Variants in CDYL2 observed in about 807,000 individuals in gnomAD.
CDYL2 encodes the protein chromodomain Y like 2.
CDYL2 carries 23 observed loss-of-function variants against 49.4 expected under a neutral mutation model. The observed-to-expected ratio is 0.47, with a 90% confidence interval of 0.34 to 0.66. The LOEUF (loss-of-function observed/expected upper bound fraction) is 0.66, where lower values mean the gene tolerates loss of function less well. CDYL2 is among the 30% of genes least tolerant of loss of function. The pLI is 0.01. For missense variants in CDYL2, 678 were observed against 656.4 expected (o/e 1.03, Z -0.36); for synonymous variants, 360 against 268.8 (o/e 1.34, Z -3.32).
Position 80,604,363 on chromosome 16 carries a change from T to G in CDYL2, c.*25A>C, listed in dbSNP as rs1431661053. 2 of 1,613,486 alleles carry G rather than the reference T, an allele frequency of 1.2e-6. No homozygotes were observed. Among genetic ancestry groups the G allele is most frequent in the East Asian group, 2.2e-5 (1 of 44,874 alleles). ...CCGAAACACAGGGCAGAGCTGGAAG[T>G]TGGGGGCCCGTGAGCTGGGGCCCCT... is the stretch of plus-strand genomic sequence containing the variant. On this transcript the variant is annotated 3_prime_UTR_variant, in exon 7 of 7. Transcript: ENST00000570137.
intron 3 of CDYL2, chr16:80,627,653 C>T (rs1907362677): frequency 1.3e-5 from 2 of 152,152 alleles, no homozygotes; most frequent in Non-Finnish European, 2.9e-5. Flanking sequence ...TAAAATGTTC[C>T]GAAATTAGTC....
intron 4 of CDYL2, among the ~76,000 whole-genome samples, chr16:80,619,749 G>A (rs1267939387): frequency 2.0e-5 from 3 of 152,210 alleles, no homozygotes; most frequent in Admixed American, 6.5e-5. Flanking sequence ...TCTGCAACAG[G>A]AAACACACGG....
rs1281183833 is a variant in CDYL2, at chr16:80,604,224, C to T, written c.*164G>A. ...TATGCTGCGTTTTCCATCCATTACA[C>T]AAAATCAAACCAAGGAGGAGCAACC... is the stretch of plus-strand genomic sequence containing the variant. On this transcript the variant is annotated 3_prime_UTR_variant, in exon 7 of 7. Coordinates refer to ENST00000570137, the MANE Select transcript of CDYL2 (RefSeq NM_152342.4). 5 of 760,974 alleles carry T rather than the reference C, an allele frequency of 6.6e-6. No individual in the cohort carries two copies. In the East Asian group the frequency reaches 1.3e-4, roughly 20 times the overall value. The allele number at this position is 760,974 out of a possible 1,614,324, so 47.1% of individuals were successfully genotyped here. A position where few individuals can be genotyped will look rare whatever the true frequency, so the allele number is the denominator to read the frequency against.
intron 1 of CDYL2, among the ~76,000 whole-genome samples, chr16:80,782,063 T>C (rs1907286866): frequency 6.6e-6 from 1 of 151,328 alleles, no homozygotes; most frequent in African/African-American, 2.4e-5. Flanking sequence ...AAGTAGAGAA[T>C]ACAAAAACAA....
chr16:80,720,700 T>A (rs1403864867), intron 1 of CDYL2, among the ~76,000 whole-genome samples: 1 of 152,212 alleles, frequency 6.6e-6, no homozygotes, highest in Admixed American at 6.5e-5. Context: ...GACCAATGTA[T>A]AAATGAGTGT....
intron 1 of CDYL2, among the ~76,000 whole-genome samples, chr16:80,721,499 A>C (rs1904997003): frequency 6.6e-6 from 1 of 151,732 alleles, no homozygotes; most frequent in Admixed American, 6.6e-5. Flanking sequence ...GGCGATCATG[A>C]CTCTCCAAAC....
At chr16:80,728,826 C>T (rs1905243281) in intron 1 of CDYL2, among the ~76,000 whole-genome samples, 1 of 151,544 alleles carries the variant, frequency 6.6e-6, no homozygotes, top group Non-Finnish European at 1.5e-5. Flanking sequence ...AATTTTCAAC[C>T]CAGAATTTCA....
chr16:80,624,348 T>C (rs1907212960), intron 3 of CDYL2, among the ~76,000 whole-genome samples: 1 of 152,196 alleles, frequency 6.6e-6, no homozygotes, highest in Non-Finnish European at 1.5e-5. Flanking sequence ...CATGAGAAGC[T>C]AAAACTCCAT....
chr16:80,678,433 C>T (rs1261284724), intron 2 of CDYL2, among the ~76,000 whole-genome samples: 1 of 152,114 alleles, frequency 6.6e-6, no homozygotes, highest in Non-Finnish European at 1.5e-5. Context: ...CAAACAACCC[C>T]ATCAAAAAGT....
chr16:80,658,096 GCTTT>G (rs1908887144), intron 2 of CDYL2, among the ~76,000 whole-genome samples: 2 of 149,722 alleles, frequency 1.3e-5, no homozygotes, highest in South Asian at 4.2e-4. Flanking sequence ...ACATAAATTT[GCTTT>G]TTTTTCCAAA....
intron 6 of CDYL2, among the ~76,000 whole-genome samples, chr16:80,606,459 C>A (rs1349770398): frequency 6.6e-6 from 1 of 152,178 alleles, no homozygotes; most frequent in Non-Finnish European, 1.5e-5. Context: ...GCCAGTCTCC[C>A]ACCCTCCTTT....
At chr16:80,729,771 C>A (rs1905269068) in intron 1 of CDYL2, among the ~76,000 whole-genome samples, 1 of 152,244 alleles carries the variant, frequency 6.6e-6, no homozygotes, top group Admixed American at 6.5e-5. Context: ...ACAGTGCAAT[C>A]AAACTAGAAC....
chr16:80,703,135 C>A (rs1451574667), intron 1 of CDYL2, among the ~76,000 whole-genome samples: 1 of 152,206 alleles, frequency 6.6e-6, no homozygotes, highest in Non-Finnish European at 1.5e-5. Flanking sequence ...TGCACATACA[C>A]ACACACCTGG....
intron 1 of CDYL2, among the ~76,000 whole-genome samples, chr16:80,774,837 G>C (rs759915414): frequency 1.3e-5 from 2 of 151,212 alleles, no homozygotes; most frequent in Non-Finnish European, 2.9e-5. Context: ...AGAGTAGTAA[G>C]ATACATGAAG....
intron 2 of CDYL2, among the ~76,000 whole-genome samples, chr16:80,656,247 A>G (rs974028779): frequency 6.6e-6 from 1 of 152,220 alleles, no homozygotes; most frequent in Non-Finnish European, 1.5e-5. Context: ...GGCATTCAAA[A>G]AGGAGGAACT....
At chr16:80,674,562 G>C (rs144804695) in intron 2 of CDYL2, among the ~76,000 whole-genome samples, 95 of 152,170 alleles carry the variant, frequency 6.2e-4, no homozygotes, top group Non-Finnish European at 1.3e-3. Flanking sequence ...TCTAATTCCA[G>C]AACATTTTCA....
At chr16:80,782,735 T>C (rs1907313325) in intron 1 of CDYL2, among the ~76,000 whole-genome samples, 1 of 151,728 alleles carries the variant, frequency 6.6e-6, no homozygotes, top group Non-Finnish European at 1.5e-5. Flanking sequence ...AGTAGAATGA[T>C]GGAAAAAAAA....
intron 2 of CDYL2, among the ~76,000 whole-genome samples, chr16:80,667,729 A>C (rs1254164171): frequency 6.6e-6 from 1 of 152,252 alleles, no homozygotes; most frequent in Non-Finnish European, 1.5e-5. Context: ...AAAAGGGGGA[A>C]AAAATTGAAA....
chr16:80,759,484 T>C (rs143707926), intron 1 of CDYL2, among the ~76,000 whole-genome samples: 92 of 152,282 alleles, frequency 6.0e-4, no homozygotes, highest in African/African-American at 2.0e-3. Flanking sequence ...CGATGAGTCA[T>C]GACCAATATG....
Sources: allele counts gnomAD v4.1 joint callset (sites outside exome capture counted in the v4.1 genomes callset), GRCh38; gene constraint gnomAD v4.1.1; transcripts MANE v1.5; gene names NCBI Gene and HGNC (gene_info 2026-07-23, HGNC 2026-07-21).